CSNK1E: variants seen among roughly 807,000 people sequenced by gnomAD.
CSNK1E encodes casein kinase 1 epsilon, also known as casein kinase I isoform epsilon.
In CSNK1E, 17 loss-of-function variants were observed where a neutral mutation model predicts 46.1. The ratio of observed to expected loss-of-function variants is 0.37; its 90% confidence interval spans 0.25 to 0.55. CSNK1E has a LOEUF of 0.55. CSNK1E is among the 20% of genes least tolerant of loss of function. CSNK1E has a pLI of 0.82. For synonymous variants in CSNK1E, 241 were observed against 242.6 expected (o/e 0.99, Z 0.06); for missense variants, 386 against 595.4 (o/e 0.65, Z 3.66).
chr22:38,302,910 CAG>C lies in CSNK1E; in HGVS notation c.285_286del (p.Phe95LeufsTer94). The C allele has an allele frequency of 6.2e-7, 1 of 1,614,148 alleles. No individual in the cohort carries two copies. The highest frequency in any genetic ancestry group is 8.5e-7 in the Non-Finnish European group (1 of 1,180,022). Reference sequence around the variant, plus strand: ...CGTCTTGAGGCTGAATTTGCGGGAACAGAAGTTGAACAGGTCCTCGAGGCTAG... The same window carrying C: ...CGTCTTGAGGCTGAATTTGCGGGAACAAGTTGAACAGGTCCTCGAGGCTAG... On this transcript the variant is annotated frameshift_variant, in exon 4 of 11. Transcript: ENST00000396832. LOFTEE classifies it high-confidence loss of function.
At position 38,303,862 on chromosome 22, in the gene CSNK1E, G is replaced by A. The variant is rs1420792035; in HGVS notation, c.77-614C>T. Among the ~76,000 whole-genome samples the A allele has an allele frequency of 2.0e-5, 3 of 152,150 alleles. No individual in the cohort carries two copies. The highest frequency in any genetic ancestry group is 4.4e-5 in the Non-Finnish European group (3 of 68,032). On this transcript the variant is annotated intron_variant, in intron 2 of 10. Coordinates refer to ENST00000396832, the MANE Select transcript of CSNK1E (RefSeq NM_152221.3). The surrounding 1 kb of genome is among the most constrained non-coding windows in gnomAD (Gnocchi z 4.7). ...CTCAAGGTCACCTGACCTGTAAATG[G>A]CGGCCTTGAGATCAACCCCGGCTCT...
chr22:38,302,642 C>T (rs759124918), intron 4 of CSNK1E, among the ~76,000 whole-genome samples: 5 of 152,144 alleles, frequency 3.3e-5, no homozygotes, highest in Non-Finnish European at 7.3e-5. Context: ...ACCTGGGAGG[C>T]GGATGTTGCA....
intron 10 of CSNK1E, chr22:38,292,611 C>G (rs2092617189): frequency 6.5e-6 from 1 of 152,722 alleles, no homozygotes; most frequent in Non-Finnish European, 1.5e-5. Flanking sequence ...CGGACTACTG[C>G]CTACAAATGG....
intron 1 of CSNK1E, among the ~76,000 whole-genome samples, chr22:38,316,260 T>C (rs2092745391): frequency 6.6e-6 from 1 of 152,122 alleles, no homozygotes; most frequent in Admixed American, 6.6e-5. Context: ...CCGGGGCCCT[T>C]GTCCCTCGGA....
At chr22:38,306,497 C>T (rs533780519) in intron 2 of CSNK1E, among the ~76,000 whole-genome samples, 2 of 152,336 alleles carry the variant, frequency 1.3e-5, no homozygotes, top group Non-Finnish European at 2.9e-5. Flanking sequence ...CTTTGAGAGG[C>T]CGAGGCAGGC....
At chr22:38,316,103 G>A (rs1044187134) in intron 1 of CSNK1E, among the ~76,000 whole-genome samples, 3 of 149,028 alleles carry the variant, frequency 2.0e-5, no homozygotes, top group Admixed American at 6.6e-5. Context: ...CTCCCATGGG[G>A]GAGGGGGGGA....
Position 38,300,121 on chromosome 22 carries a change from T to C in CSNK1E, c.566-56A>G, listed in dbSNP as rs2092663244. On this transcript the variant is annotated intron_variant, in intron 5 of 10. Transcript: ENST00000396832. This position sits in a 1 kb window ranked among gnomAD's most constrained non-coding sequence, Gnocchi z 4.4. ...ACAGGGGTCCACTCAGGCCCCTAACTCATCCTCTGGGTCATGCTCCTCACA... is the reference window on the plus strand; with the variant it reads ...ACAGGGGTCCACTCAGGCCCCTAACCCATCCTCTGGGTCATGCTCCTCACA... 5 of 1,550,296 alleles carry C rather than the reference T, an allele frequency of 3.2e-6. No individual in the cohort carries two copies. The highest frequency in any genetic ancestry group is 3.5e-6 in the Non-Finnish European group (4 of 1,134,380).
chr22:38,308,707 G>C (rs918101855), intron 2 of CSNK1E, among the ~76,000 whole-genome samples: 2 of 152,068 alleles, frequency 1.3e-5, no homozygotes, highest in African/African-American at 4.8e-5. Context: ...AGTGGGAGGA[G>C]GGGAAGAGGG....
chr22:38,309,000 G>A (rs1004579867), intron 2 of CSNK1E, among the ~76,000 whole-genome samples: 5 of 152,188 alleles, frequency 3.3e-5, no homozygotes, highest in East Asian at 1.9e-4. Context: ...TCTCTCAACC[G>A]TGGCACTACT....
chr22:38,296,442 T>A, intron 7 of CSNK1E: 1 of 1,479,708 alleles, frequency 6.8e-7, no homozygotes, highest in African/African-American at 1.4e-5. Flanking sequence ...TGTCTACTGT[T>A]GGGTAGCATG....
intron 7 of CSNK1E, among the ~76,000 whole-genome samples, chr22:38,295,171 G>A (rs1037384491): frequency 2.2e-4 from 33 of 152,192 alleles, no homozygotes; most frequent in African/African-American, 5.5e-4. Flanking sequence ...CACAGACACC[G>A]CCTGCCTTGG....
Position 38,299,079 on chromosome 22 carries a change from C to T in CSNK1E, c.737-145G>A. The T allele has an allele frequency of 3.6e-6, 3 of 844,326 alleles. No homozygotes were observed. The South Asian group carries it at 5.1e-5, about 14-fold the overall frequency. 52.3% of individuals were successfully genotyped at this position (844,326 alleles called of 1,614,324 possible). ...AGAAAAGGAGGCAACAGAGCCATGG[C>T]CTTCCCTATCCTACTGTGATGAAAG... On this transcript the variant is annotated intron_variant, in intron 6 of 10. Coordinates refer to ENST00000396832, the MANE Select transcript of CSNK1E (RefSeq NM_152221.3).
At chr22:38,297,530 G>A (rs2092647351) in intron 7 of CSNK1E, 8 of 1,012,802 alleles carry the variant, frequency 7.9e-6, no homozygotes, top group Non-Finnish European at 9.5e-6. Context: ...TGGCTTCCAG[G>A]AGAACAGAGC....
At position 38,298,394 on chromosome 22, in the gene CSNK1E, C is replaced by G. The variant is rs1363810247; in HGVS notation, c.885+392G>C. Among the ~76,000 whole-genome samples, 1 of 152,068 alleles carries G rather than the reference C, an allele frequency of 6.6e-6. No individual in the cohort carries two copies. Among genetic ancestry groups the G allele is most frequent in the East Asian group, 1.9e-4 (1 of 5,160 alleles). On this transcript the variant is annotated intron_variant, in intron 7 of 10. Coordinates refer to ENST00000396832, the MANE Select transcript of CSNK1E (RefSeq NM_152221.3). This position sits in a 1 kb window ranked among gnomAD's most constrained non-coding sequence, Gnocchi z 4.2. ...AGCAAGCACCATGACTGGGTCCAGG[C>G]TGGCCCGAGGGGCCATGGTGCAGGT... is the stretch of plus-strand genomic sequence containing the variant.
Position 38,301,012 on chromosome 22 carries a change from G to T in CSNK1E, c.337-60C>A. The T allele has an allele frequency of 1.4e-6, 2 of 1,434,136 alleles. 1 individual carries two copies. The highest frequency in any genetic ancestry group is 2.0e-6 in the Non-Finnish European group (2 of 1,020,808). 88.8% of individuals were successfully genotyped at this position (1,434,136 alleles called of 1,614,324 possible). ...GGCCCTTGCCTAGCACTCTGGGCCA[G>T]GCAGGGGCTGGGGCCACAGAGGTGG... On this transcript the variant is annotated intron_variant, in intron 4 of 10. Transcript: ENST00000396832.
intron 1 of CSNK1E, among the ~76,000 whole-genome samples, chr22:38,315,915 A>G (rs1157162847): frequency 2.6e-5 from 4 of 151,808 alleles, no homozygotes; most frequent in East Asian, 3.9e-4. Context: ...GCCCTTCAGG[A>G]CCCCCTGACT....
At chr22:38,317,757 T>C (rs1203024146), upstream of CSNK1E, among the ~76,000 whole-genome samples, 1 of 151,932 alleles carries the variant, frequency 6.6e-6, no homozygotes, top group African/African-American at 2.4e-5. Flanking sequence ...CAAAGTCTCC[T>C]CTCCCCGCCT....
At chr22:38,305,045 C>A (rs971168489) in intron 2 of CSNK1E, among the ~76,000 whole-genome samples, 1 of 150,698 alleles carries the variant, frequency 6.6e-6, no homozygotes, top group Admixed American at 6.6e-5. Flanking sequence ...TCACTTGAAC[C>A]CAGGAGGCGG....
In CSNK1E at chr22:38,309,340, C is replaced by G. The variant is rs984339201; in HGVS notation, c.76+4742G>C. ...GACACTTTGGAGGCAGGGCCTGCAG[C>G]ACTTGGTGATTCGGCAGATGTGTGC... On this transcript the variant is annotated intron_variant, in intron 2 of 10. Transcript: ENST00000396832. This position sits in a 1 kb window ranked among gnomAD's most constrained non-coding sequence, Gnocchi z 4.8. Among the ~76,000 whole-genome samples the G allele has an allele frequency of 6.6e-6, 1 of 152,200 alleles. No homozygotes were observed. The highest frequency in any genetic ancestry group is 2.4e-5 in the African/African-American group (1 of 41,454).
Sources: gnomAD v4.1 joint callset for allele counts (sites outside exome capture counted in the v4.1 genomes callset) on GRCh38, gnomAD v4.1.1 for gene constraint, Gnocchi (gnomAD v3.1) non-coding constraint, MANE v1.5 for transcripts, NCBI Gene and HGNC (gene_info 2026-07-23, HGNC 2026-07-21) for gene names.